AFG1L: variants seen among roughly 807,000 people sequenced by gnomAD.
AFG1L encodes AFG1-like ATPase.
AFG1L carries 53 observed loss-of-function variants against 62.2 expected under a neutral mutation model. The ratio of observed to expected loss-of-function variants is 0.85; its 90% confidence interval spans 0.68 to 1.07. AFG1L has a LOEUF of 1.07. Ranked by LOEUF, AFG1L falls within the 50% of genes least tolerant of loss-of-function variation. The pLI is 0.00. For synonymous variants in AFG1L, 228 were observed against 210.3 expected (o/e 1.08, Z -0.73); for missense variants, 555 against 590.5 (o/e 0.94, Z 0.62).
chr6:108,525,435 G>C lies in AFG1L; in HGVS notation c.*3010G>C, dbSNP rs568136179. 6.6e-6 allele frequency: 1 copy of C among 151,958 alleles called. No individual in the cohort carries two copies. The highest frequency in any genetic ancestry group is 2.4e-5 in the African/African-American group (1 of 41,362). The allele number at this position is 151,958 out of a possible 1,614,324, so 9.4% of individuals were successfully genotyped here. On this transcript the variant is annotated 3_prime_UTR_variant, in exon 13 of 13. Transcript: ENST00000368977. Reference sequence around the variant, plus strand: ...GTGGGACTTCAAATTTTAATAATAAGGCAATACTTTTATCTTCTTAAAGTA... The same window carrying C: ...GTGGGACTTCAAATTTTAATAATAACGCAATACTTTTATCTTCTTAAAGTA...
intron 6 of AFG1L, among the ~76,000 whole-genome samples, chr6:108,373,656 C>T (rs1345923116): frequency 1.3e-5 from 2 of 149,632 alleles, no homozygotes; most frequent in South Asian, 2.1e-4. Flanking sequence ...GACATGATCT[C>T]GGCTCTGCCT....
rs753203508 is a variant in AFG1L at position 108,295,133 on chromosome 6, G to T, written c.54G>T (p.Pro18=). 1.2e-6 allele frequency: 2 copies of T among 1,610,910 alleles called. No homozygotes were observed. Among genetic ancestry groups the T allele is most frequent in the Non-Finnish European group, 1.7e-6 (2 of 1,179,982 alleles). The change falls in exon 1 of 13, where the codon CCG becomes CCT. Residue 18 remains proline, a synonymous_variant. Transcript: ENST00000368977. ...CCCTGCGCCCCTTAGCACAGAGCCC[G>T]CTGAGAGGGAGATGTGTTGGGTGCG... The part of the protein sequence containing the change: ...LVTLRPLAQS[P]LRGRCVGCGA...
At chr6:108,340,326 C>T (rs1276932223) in intron 2 of AFG1L, among the ~76,000 whole-genome samples, 1 of 149,820 alleles carries the variant, frequency 6.7e-6, no homozygotes, top group East Asian at 1.9e-4. Context: ...GCTGTTTTTC[C>T]TTCCTTAGGA....
chr6:108,306,360 A>G (rs897425338), intron 1 of AFG1L, among the ~76,000 whole-genome samples: 13 of 152,172 alleles, frequency 8.5e-5, no homozygotes, highest in African/African-American at 2.9e-4. Context: ...AAAAAACTCT[A>G]AAGTGGGATG....
At chr6:108,352,542 A>G (rs1033473506) in intron 3 of AFG1L, among the ~76,000 whole-genome samples, 5 of 152,110 alleles carry the variant, frequency 3.3e-5, no homozygotes, top group South Asian at 2.1e-4. Flanking sequence ...TTGTTATACT[A>G]TATTGTTTTT....
intron 10 of AFG1L, among the ~76,000 whole-genome samples, chr6:108,485,648 ATATATATATTTTTTTTTTTTTTTT>A (rs1773531579): frequency 4.6e-5 from 1 of 21,638 alleles, no homozygotes; most frequent in African/African-American, 2.7e-4. Flanking sequence ...ATATATATAT[ATATATATATTTTTTTTTTTTTTTT>A]TTTTTTTTTT....
In AFG1L at chr6:108,397,953, C is replaced by G. The variant is rs530449733; in HGVS notation, c.749-4043C>G. 1.3e-4 allele frequency among the ~76,000 whole-genome samples: 20 copies of G among 152,258 alleles called. No homozygotes were observed. The East Asian group carries it at 1.5e-3, about 12-fold the overall frequency. On this transcript the variant is annotated intron_variant, in intron 6 of 12. Transcript: ENST00000368977. ...TATCTTTGATGTACTGATTTCCTTT[C>G]TTTTGGATATATACCCAGCAGTGAG...
intron 3 of AFG1L, 75 bp from the exon 4 acceptor site, chr6:108,355,579 A>G: frequency 1.4e-6 from 1 of 705,948 alleles, no homozygotes; most frequent in Non-Finnish European, 2.2e-6. Flanking sequence ...CATTATCTCA[A>G]AGCTAATGAA....
chr6:108,303,203 T>G (rs1306712475), intron 1 of AFG1L, among the ~76,000 whole-genome samples: 2 of 152,184 alleles, frequency 1.3e-5, no homozygotes, highest in Non-Finnish European at 2.9e-5. Context: ...TGAGCCACCA[T>G]GCCTGGCCTT....
At chr6:108,388,895 G>T (rs1455817635) in intron 6 of AFG1L, among the ~76,000 whole-genome samples, 1 of 152,130 alleles carries the variant, frequency 6.6e-6, no homozygotes, top group Non-Finnish European at 1.5e-5. Context: ...TATTAGGTCT[G>T]CTTGGTGCAG....
intron 7 of AFG1L, among the ~76,000 whole-genome samples, chr6:108,443,411 C>A (rs1354471053): frequency 1.3e-5 from 2 of 152,140 alleles, no homozygotes; most frequent in Non-Finnish European, 2.9e-5. Flanking sequence ...ATTGCATAGA[C>A]CATTTCCATC....
At chr6:108,512,074 T>C (rs776680332) in intron 11 of AFG1L, among the ~76,000 whole-genome samples, 1 of 152,184 alleles carries the variant, frequency 6.6e-6, no homozygotes, top group Non-Finnish European at 1.5e-5. Flanking sequence ...CCATGTGGCC[T>C]ACTTAAAAAT....
chr6:108,442,124 G>A (rs1283599373), intron 7 of AFG1L, among the ~76,000 whole-genome samples: 1 of 151,734 alleles, frequency 6.6e-6, no homozygotes, highest in Non-Finnish European at 1.5e-5. Context: ...TACCATAGTA[G>A]GGCAGGTTTT....
chr6:108,395,527 G>A (rs943170488), intron 6 of AFG1L, among the ~76,000 whole-genome samples: 5 of 147,734 alleles, frequency 3.4e-5, no homozygotes, highest in African/African-American at 1.3e-4. Flanking sequence ...TCATCTTCCT[G>A]AGTAGCTGAA....
intron 10 of AFG1L, among the ~76,000 whole-genome samples, chr6:108,491,907 C>G (rs888132678): frequency 6.6e-6 from 1 of 151,970 alleles, no homozygotes; most frequent in Non-Finnish European, 1.5e-5. Flanking sequence ...TTAAGCTTTT[C>G]AAATATCCAA....
intron 1 of AFG1L, among the ~76,000 whole-genome samples, chr6:108,296,546 A>G (rs1190083443): frequency 2.0e-5 from 3 of 152,206 alleles, no homozygotes; most frequent in Non-Finnish European, 4.4e-5. Flanking sequence ...GCATATACAT[A>G]TATAGATAAT....
intron 3 of AFG1L, among the ~76,000 whole-genome samples, chr6:108,351,438 T>C (rs559246488): frequency 6.6e-6 from 1 of 152,378 alleles, no homozygotes; most frequent in East Asian, 1.9e-4. Flanking sequence ...TCTTGCTAAA[T>C]TTAATTATTA....
chr6:108,492,426 C>A (rs912305983), intron 10 of AFG1L, among the ~76,000 whole-genome samples: 9 of 152,174 alleles, frequency 5.9e-5, no homozygotes, highest in Non-Finnish European at 1.3e-4. Flanking sequence ...GTACTAATTA[C>A]TTCATCATTA....
chr6:108,504,489 C>G (rs1269731695), intron 10 of AFG1L, among the ~76,000 whole-genome samples: 2 of 151,978 alleles, frequency 1.3e-5, no homozygotes, highest in African/African-American at 4.8e-5. Flanking sequence ...TCGTGGCACC[C>G]CAAAGCAATT....
Sources: gnomAD v4.1 joint callset for allele counts (sites outside exome capture counted in the v4.1 genomes callset) on GRCh38, gnomAD v4.1.1 for gene constraint, MANE v1.5 for transcripts, NCBI Gene and HGNC (gene_info 2026-07-23, HGNC 2026-07-21) for gene names.